PCM1: variants seen among roughly 807,000 people sequenced by gnomAD.
PCM1 encodes pericentriolar material 1.
A neutral mutation model predicts 241.9 loss-of-function variants in PCM1; 157 were observed. That is an observed-to-expected ratio of 0.65 (90% CI 0.57 to 0.74). The LOEUF (loss-of-function observed/expected upper bound fraction) is 0.74, where lower values mean the gene tolerates loss of function less well. Ranked by LOEUF, PCM1 falls within the 30% of genes least tolerant of loss-of-function variation. PCM1 has a pLI of 0.00. For synonymous variants in PCM1, 1,085 were observed against 784.9 expected, an observed-to-expected ratio of 1.38 and a Z score of -6.39; for missense variants, 3,478 against 2,360.1, an observed-to-expected ratio of 1.47 and a Z score of -9.81.
chr8:17,935,631 C>G lies in PCM1; in HGVS notation c.21C>G (p.Pro7=), dbSNP rs745955021. The G allele has an allele frequency of 6.5e-7, 1 of 1,546,170 alleles. No homozygotes were observed. The highest frequency in any genetic ancestry group is 8.9e-7 in the Non-Finnish European group (1 of 1,118,680). The change falls in exon 3 of 39, where the codon CCC becomes CCG. Residue 7 remains proline, a synonymous_variant. Transcript: ENST00000325083. The stretch of plus-strand genomic sequence containing the variant: ...CCAGTATGGCCACAGGAGGAGGTCC[C>G]TTTGAAGATGGCATGAATGATCAGG... MATGGG[P]FEDGMNDQDL...
rs373626382 is a variant in PCM1, at chr8:17,950,744, A to G, written c.1071+20A>G. On this transcript the variant is annotated intron_variant, in intron 8 of 38. Coordinates refer to ENST00000325083, the MANE Select transcript of PCM1 (RefSeq NM_006197.4). Reference sequence around the variant, plus strand: ...TCTCAGGTAACCTAGATGTTTTAGTATAGTTGAGTTTAAAAAATCACATTA... The same window carrying G: ...TCTCAGGTAACCTAGATGTTTTAGTGTAGTTGAGTTTAAAAAATCACATTA... The G allele has an allele frequency of 2.6e-5, 34 of 1,318,044 alleles. No individual in the cohort carries two copies. The highest frequency in any genetic ancestry group is 3.8e-5 in the South Asian group (3 of 79,258). The allele number at this position is 1,318,044 out of a possible 1,614,324, so 81.6% of individuals were successfully genotyped here.
At chr8:17,961,497 G>C (rs1409287640) in intron 15 of PCM1, among the ~76,000 whole-genome samples, 1 of 151,886 alleles carries the variant, frequency 6.6e-6, no homozygotes, top group Non-Finnish European at 1.5e-5. Context: ...ATTTTTAGTA[G>C]AGACGGGGTT....
In PCM1 at chr8:17,947,207, C is replaced by A. The variant is rs1208391612; in HGVS notation, c.805C>A (p.Pro269Thr). ...KILARDPQQE[P>T]MEEIENLKKQ... is the part of the protein sequence containing the mutation. The stretch of plus-strand genomic sequence containing the variant: ...CCAGGCCAGAGATCCTCAGCAGGAG[C>A]CTATGGAAGAGATAGAAAATTTGAA... Residue 269 changes from proline (P) to threonine (T), a missense_variant, in exon 7 of 39, where the codon CCT becomes ACT. By Grantham distance (38) the Pro-to-Thr change is conservative (BLOSUM62 -1). Transcript: ENST00000325083. 3 of 1,604,472 alleles carry A rather than the reference C, an allele frequency of 1.9e-6. No individual in the cohort carries two copies. Among genetic ancestry groups the A allele is most frequent in the African/African-American group, 1.3e-5 (1 of 74,604 alleles).
Position 17,960,527 on chromosome 8 carries a change from G to GTTGTTCTTTT in PCM1, c.2322+85_2322+86insGTTCTTTTTT. ...ACTGAAAGTACTCTTTTTTGTTTTTGTTTTTCTTTTTTTTTGAGGCAGAGT... is the reference window on the plus strand; with the variant it reads ...ACTGAAAGTACTCTTTTTTGTTTTTGTTGTTCTTTTTTTTTCTTTTTTTTTGAGGCAGAGT... On this transcript the variant is annotated intron_variant, in intron 15 of 38. Coordinates refer to ENST00000325083, the MANE Select transcript of PCM1 (RefSeq NM_006197.4). 4 of 412,974 alleles carry GTTGTTCTTTT rather than the reference G, an allele frequency of 9.7e-6. No individual in the cohort carries two copies. The East Asian group carries it at 1.5e-4, about 16-fold the overall frequency. 25.6% of individuals were successfully genotyped at this position (412,974 alleles called of 1,614,324 possible).
At chr8:18,012,120 A>G (rs1403852890) in intron 34 of PCM1, among the ~76,000 whole-genome samples, 2 of 152,152 alleles carry the variant, frequency 1.3e-5, no homozygotes, top group Admixed American at 1.3e-4. Flanking sequence ...TCAGCCTCCC[A>G]AAGTTCTGGG....
At chr8:17,935,457 G>A (rs1297189443) in intron 2 of PCM1, 132 bp from the exon 3 acceptor site, 7 of 586,144 alleles carry the variant, frequency 1.2e-5, no homozygotes, top group Non-Finnish European at 2.2e-5. Context: ...TCTGTGATGT[G>A]GTTGACAGTG....
intron 5 of PCM1, 141 bp from the exon 6 acceptor site, chr8:17,939,550 G>A: frequency 6.6e-6 from 3 of 455,386 alleles, no homozygotes. Flanking sequence ...TTTTGCATGT[G>A]TTAATTCACA....
chr8:17,924,270 C>G (rs986394840), intron 1 of PCM1, among the ~76,000 whole-genome samples: 12 of 152,188 alleles, frequency 7.9e-5, no homozygotes, highest in African/African-American at 2.9e-4. Flanking sequence ...TGAAGGTAAA[C>G]CTGGTATTTA....
At chr8:17,934,087 G>A (rs145892326) in intron 2 of PCM1, among the ~76,000 whole-genome samples, 1,712 of 151,964 alleles carry the variant, frequency 0.011, 27 homozygotes, top group African/African-American at 0.039. Context: ...TATATAATTT[G>A]TTAAAGTAAT....
chr8:17,972,641 TAAG>T lies in PCM1; in HGVS notation c.3902_3904del (p.Lys1301del). 1 of 1,580,754 alleles carries T rather than the reference TAAG, an allele frequency of 6.3e-7. No homozygotes were observed. Among genetic ancestry groups the T allele is most frequent in the Non-Finnish European group, 8.6e-7 (1 of 1,167,830 alleles). ...AAGATAAAACTCCCAAGTCAAAAAG[TAAG>T]AAGAGGAATTCTACTCAGCTGAAAA... On this transcript the variant is annotated inframe_deletion, in exon 23 of 39. Coordinates refer to ENST00000325083, the MANE Select transcript of PCM1 (RefSeq NM_006197.4).
chr8:17,966,238 T>C lies in PCM1; in HGVS notation c.3075+20T>C, dbSNP rs2074826017. On this transcript the variant is annotated intron_variant, in intron 19 of 38. Coordinates refer to ENST00000325083, the MANE Select transcript of PCM1 (RefSeq NM_006197.4). ...CAGCAGGTAAAATTTGCTATGAAAG[T>C]ATATTTTTCGTCTATTTTTATAACT... 2 of 1,608,690 alleles carry C rather than the reference T, an allele frequency of 1.2e-6. No homozygotes were observed. The highest frequency in any genetic ancestry group is 1.6e-4 in the Middle Eastern group (1 of 6,070).
chr8:17,990,498 TC>T (rs1216615340), intron 27 of PCM1, among the ~76,000 whole-genome samples: 5 of 151,124 alleles, frequency 3.3e-5, no homozygotes, highest in Non-Finnish European at 7.4e-5. Flanking sequence ...TTTTTTTTTT[TC>T]CCCCTCTCCC....
chr8:17,955,838 A>G (rs182859396), intron 10 of PCM1, 185 bp downstream of exon 10: 2 of 596,014 alleles, frequency 3.4e-6, no homozygotes, highest in East Asian at 5.6e-5. Flanking sequence ...AAGAGATGTG[A>G]TGTAACATAG....
intron 29 of PCM1, among the ~76,000 whole-genome samples, chr8:17,997,528 T>C (rs758913348): frequency 7.9e-5 from 12 of 152,182 alleles, no homozygotes; most frequent in Non-Finnish European, 1.8e-4. Context: ...TGCTTTATTG[T>C]GTTTTACTTT....
Position 17,963,179 on chromosome 8 carries a change from G to A in PCM1, c.2542G>A (p.Ala848Thr). 5 of 1,612,104 alleles carry A rather than the reference G, an allele frequency of 3.1e-6. No homozygotes were observed. The highest frequency in any genetic ancestry group is 3.4e-6 in the Non-Finnish European group (4 of 1,178,232). Residue 848 changes from alanine to threonine, a missense_variant, in exon 17 of 39, where the codon GCT becomes ACT. By Grantham distance (58) the Ala-to-Thr change is moderately conservative (BLOSUM62 0). Coordinates refer to ENST00000325083, the MANE Select transcript of PCM1 (RefSeq NM_006197.4). ...AAGAAAGCAGCTTGAAGCTCTGATG[G>A]CTGAACATCAGAGGAGGCAAGGTCT... ...QRRKQLEALM[A>T]EHQRRQGLAE...
chr8:17,953,081 G>T lies in PCM1; in HGVS notation c.1183G>T (p.Glu395Ter), dbSNP rs116620166. The change falls in exon 9 of 39, where the codon GAA becomes TAA. Residue 395 changes from glutamate (E) to a stop codon, truncating the protein, a stop_gained. Transcript: ENST00000325083. LOFTEE classifies it high-confidence loss of function. ...ASERLPDEKV[E>*]LFSKMRVLQE... ...AGAACGTTTACCTGATGAGAAAGTC[G>T]AACTTTTTAGCAAAATGAGAGTGCT... 6.2e-7 allele frequency: 1 copy of T among 1,603,910 alleles called. No individual in the cohort carries two copies. The highest frequency in any genetic ancestry group is 8.5e-7 in the Non-Finnish European group (1 of 1,174,684).
At position 17,972,496 on chromosome 8, in the gene PCM1, G is replaced by A. The variant is rs17514547; in HGVS notation, c.3752G>A (p.Arg1251His). The A allele has an allele frequency of 0.025, 40,884 of 1,613,756 alleles. 622 individuals carry two copies. Among genetic ancestry groups the A allele is most frequent in the Non-Finnish European group, 0.03 (34,907 of 1,179,712 alleles). ...CAATTAGATACAAACGGAAGAAGAC[G>A]CCAGTTTGATGAAGAATCACTGGAA... ...KNQLDTNGRR[R>H]QFDEESLESF... Residue 1251 changes from arginine to histidine, a missense_variant, in exon 23 of 39, where the codon CGC (arginine) becomes CAC (histidine). Transcript: ENST00000325083.
intron 29 of PCM1, among the ~76,000 whole-genome samples, chr8:18,005,610 T>C (rs953771305): frequency 1.3e-5 from 2 of 152,180 alleles, no homozygotes; most frequent in Admixed American, 6.6e-5. Context: ...ATGATTCATA[T>C]TATTTTGTAG....
At chr8:17,944,763 T>G (rs1328476422) in intron 6 of PCM1, among the ~76,000 whole-genome samples, 3 of 152,188 alleles carry the variant, frequency 2.0e-5, no homozygotes, top group Admixed American at 2.0e-4. Flanking sequence ...TGGCTCAGTT[T>G]TTTTGAGCAT....
Sources: allele counts gnomAD v4.1 joint callset (sites outside exome capture counted in the v4.1 genomes callset), GRCh38; gene constraint gnomAD v4.1.1; transcripts MANE v1.5; gene names NCBI Gene and HGNC (gene_info 2026-07-23, HGNC 2026-07-21).